Variants in SLC7A2 observed in about 807,000 individuals in gnomAD.
The protein encoded by SLC7A2 is cationic amino acid transporter 2.
Under a neutral mutation model 58.9 loss-of-function variants are expected in SLC7A2, and 48 were observed. The observed-to-expected ratio is 0.82, with a 90% CI of 0.65 to 1.04. SLC7A2 has a LOEUF of 1.04. Ranked by LOEUF, SLC7A2 falls within the 50% of genes least tolerant of loss-of-function variation. The probability of loss-of-function intolerance (pLI) is 0.00; values close to 1 mark genes in which losing one functional copy is unlikely to be tolerated. For missense variants in SLC7A2, 1,029 were observed against 818.8 expected (o/e 1.26, Z -3.13); for synonymous variants, 363 against 314.5 (o/e 1.15, Z -1.63).
rs1297360709 is a variant in SLC7A2, at chr8:17,567,919, G to T, written c.*2773G>T. 6.6e-6 allele frequency: 1 copy of T among 152,016 alleles called. No homozygotes were observed. The highest frequency in any genetic ancestry group is 2.4e-5 in the African/African-American group (1 of 41,382). The allele number at this position is 152,016 out of a possible 1,614,324, so 9.4% of individuals were successfully genotyped here. A position where few individuals can be genotyped will look rare whatever the true frequency, so the allele number is the denominator to read the frequency against. ...TACTTGCTGCTGCCACACCTTTTCC[G>T]ACTGATCTGTCCTGGTAGGTGTTTA... is the stretch of plus-strand genomic sequence containing the variant. On this transcript the variant is annotated 3_prime_UTR_variant, in exon 13 of 13. Transcript: ENST00000494857.
intron 4 of SLC7A2, among the ~76,000 whole-genome samples, chr8:17,544,851 T>C (rs1032485033): frequency 1.3e-5 from 2 of 152,176 alleles, no homozygotes; most frequent in Non-Finnish European, 2.9e-5. Flanking sequence ...CACTAAATAA[T>C]AGGATGAGGA....
intron 11 of SLC7A2, 152 bp downstream of exon 11, chr8:17,562,262 G>C (rs1459836114): frequency 1.3e-6 from 1 of 777,472 alleles, no homozygotes; most frequent in Non-Finnish European, 1.9e-6. Context: ...GTGCAATGGA[G>C]CGAAGTGATC....
At chr8:17,532,779 A>T (rs1334515903) in intron 2 of SLC7A2, among the ~76,000 whole-genome samples, 1 of 152,234 alleles carries the variant, frequency 6.6e-6, no homozygotes, top group African/African-American at 2.4e-5. Context: ...TCATAAAAAT[A>T]AAAAGCATTA....
At chr8:17,536,517 T>C (rs1284811452) in intron 2 of SLC7A2, among the ~76,000 whole-genome samples, 1 of 151,966 alleles carries the variant, frequency 6.6e-6, no homozygotes, top group Non-Finnish European at 1.5e-5. Flanking sequence ...TGAGCCAAGA[T>C]TGCACCACTG....
chr8:17,527,140 A>T (rs1801253748), intron 2 of SLC7A2, among the ~76,000 whole-genome samples: 1 of 152,190 alleles, frequency 6.6e-6, no homozygotes, highest in Non-Finnish European at 1.5e-5. Context: ...AGGGTACTTA[A>T]TGCATGATTG....
intron 2 of SLC7A2, among the ~76,000 whole-genome samples, chr8:17,512,877 A>G (rs567185255): frequency 6.6e-6 from 1 of 152,304 alleles, no homozygotes; most frequent in South Asian, 2.1e-4. Flanking sequence ...TACATGTGGA[A>G]TCAGACAGTG....
intron 2 of SLC7A2, among the ~76,000 whole-genome samples, chr8:17,507,753 GC>G (rs1435587235): frequency 6.6e-6 from 1 of 152,020 alleles, no homozygotes; most frequent in African/African-American, 2.4e-5. Context: ...ATAGAAATAT[GC>G]CCTAAAGATT....
intron 2 of SLC7A2, among the ~76,000 whole-genome samples, chr8:17,535,217 A>G (rs1455253142): frequency 1.3e-5 from 2 of 151,904 alleles, no homozygotes; most frequent in Admixed American, 1.3e-4. Context: ...CCTAAGCTCT[A>G]TGTGGATTGA....
intron 2 of SLC7A2, among the ~76,000 whole-genome samples, chr8:17,525,357 C>T (rs936541741): frequency 6.6e-6 from 1 of 152,048 alleles, no homozygotes; most frequent in African/African-American, 2.4e-5. Context: ...TGATGTAGAC[C>T]TTAAATATAT....
chr8:17,533,231 A>G (rs1262335281), intron 2 of SLC7A2, among the ~76,000 whole-genome samples: 4 of 152,242 alleles, frequency 2.6e-5, no homozygotes, highest in Admixed American at 2.0e-4. Flanking sequence ...TCAAGAAGCT[A>G]ACGATAAAAA....
chr8:17,506,946 AT>A (rs34439439), intron 2 of SLC7A2, among the ~76,000 whole-genome samples: 1,657 of 139,970 alleles, frequency 0.012, 23 homozygotes, highest in African/African-American at 0.03. Flanking sequence ...TATTTGTGGA[AT>A]TTTTTTTTTT....
chr8:17,521,398 A>G (rs949785739), intron 2 of SLC7A2, among the ~76,000 whole-genome samples: 2 of 152,224 alleles, frequency 1.3e-5, no homozygotes, highest in Non-Finnish European at 2.9e-5. Flanking sequence ...TGAATTTGGC[A>G]GGATTCTGAT....
intron 2 of SLC7A2, among the ~76,000 whole-genome samples, chr8:17,539,140 T>C (rs554305645): frequency 2.0e-5 from 3 of 152,310 alleles, no homozygotes; most frequent in African/African-American, 4.8e-5. Flanking sequence ...GCTCCGTCAA[T>C]GTCATCAGGG....
chr8:17,565,386 G>A lies in SLC7A2; in HGVS notation c.*240G>A, dbSNP rs1223507736. 8.2e-6 allele frequency: 4 copies of A among 487,942 alleles called. No homozygotes were observed. Among genetic ancestry groups the A allele is most frequent in the African/African-American group, 7.7e-5 (4 of 51,716 alleles). 30.2% of individuals were successfully genotyped at this position (487,942 alleles called of 1,614,324 possible). A position where few individuals can be genotyped will look rare whatever the true frequency, so the allele number is the denominator to read the frequency against. On this transcript the variant is annotated 3_prime_UTR_variant, in exon 13 of 13. Coordinates refer to ENST00000494857, the MANE Select transcript of SLC7A2 (RefSeq NM_001370338.1). ...AATAGCCCCCAAACAGTGGGAGTGT[G>A]TATGTATGTGTGTATGTATGTATCT...
intron 2 of SLC7A2, among the ~76,000 whole-genome samples, chr8:17,541,606 A>C (rs770513869): frequency 3.3e-5 from 5 of 152,136 alleles, no homozygotes; most frequent in Non-Finnish European, 5.9e-5. Flanking sequence ...ATTTATATTT[A>C]TATTGATGTG....
chr8:17,562,275 G>C (rs1045111187), intron 11 of SLC7A2, among the ~76,000 whole-genome samples, 165 bp downstream of exon 11: 2 of 138,138 alleles, frequency 1.4e-5, no homozygotes, highest in Admixed American at 1.6e-4. Flanking sequence ...AAGTGATCTT[G>C]GCTCACTGCA....
chr8:17,543,600 C>T lies in SLC7A2; in HGVS notation c.261C>T (p.Ala87=), dbSNP rs150796060. 2.3e-5 allele frequency: 37 copies of T among 1,605,808 alleles called. No homozygotes were observed. Among genetic ancestry groups the T allele is most frequent in the African/African-American group, 2.0e-4 (15 of 74,814 alleles). The part of the protein sequence containing the change: ...LASVMAGLCY[A]EFGARVPKTG... Reference sequence around the variant, plus strand: ...CAGTGATGGCTGGCCTCTGCTATGCCGAATTTGGGGCCCGTGTTCCCAAGA... The same window carrying T: ...CAGTGATGGCTGGCCTCTGCTATGCTGAATTTGGGGCCCGTGTTCCCAAGA... Residue 87 remains alanine (A), a synonymous_variant, in exon 3 of 13, where the codon GCC becomes GCT. Coordinates refer to ENST00000494857, the MANE Select transcript of SLC7A2 (RefSeq NM_001370338.1).
At chr8:17,556,157 C>G (rs1033024731) in intron 8 of SLC7A2, among the ~76,000 whole-genome samples, 1 of 152,094 alleles carries the variant, frequency 6.6e-6, no homozygotes, top group Admixed American at 6.5e-5. Flanking sequence ...TTTCTGCCCC[C>G]CTAAAATGAA....
intron 8 of SLC7A2, among the ~76,000 whole-genome samples, chr8:17,557,884 G>C (rs1198140257): frequency 6.6e-6 from 1 of 152,108 alleles, no homozygotes; most frequent in East Asian, 1.9e-4. Flanking sequence ...AACTAAAGTG[G>C]TTATATAATA....
Sources: allele counts gnomAD v4.1 joint callset (sites outside exome capture counted in the v4.1 genomes callset), GRCh38; gene constraint gnomAD v4.1.1; transcripts MANE v1.5; gene names NCBI Gene and HGNC (gene_info 2026-07-23, HGNC 2026-07-21).